Variants in TMEM44 observed in about 807,000 individuals in gnomAD.
TMEM44 encodes transmembrane protein 44.
In TMEM44, 43 loss-of-function variants were observed where a neutral mutation model predicts 47.8. That is an observed-to-expected ratio of 0.90 (90% CI 0.70 to 1.16). The LOEUF is 1.16. TMEM44 is among the 50% of genes most tolerant of loss of function. TMEM44 has a pLI of 0.00. For synonymous variants in TMEM44, 277 were observed against 238.8 expected, an observed-to-expected ratio of 1.16 and a Z score of -1.48; for missense variants, 568 against 555.2, an observed-to-expected ratio of 1.02 and a Z score of -0.23.
rs1408370293 is a variant in TMEM44, at chr3:194,628,376, A to G, written c.264+7T>C. ...CTAAGCCACTGTCAGCTGGAGGCCC[A>G]ACATACCTGGATTGTGAGCTGTCTG... On this transcript the variant is annotated splice_region_variant and intron_variant, in intron 2 of 9. Coordinates refer to ENST00000347147, the MANE Select transcript of TMEM44 (RefSeq NM_001011655.3). The G allele has an allele frequency of 1.2e-6, 2 of 1,609,274 alleles. No individual in the cohort carries two copies. The highest frequency in any genetic ancestry group is 1.1e-5 in the South Asian group (1 of 90,142).
rs1304939192 is a variant in TMEM44 at position 194,617,266 on chromosome 3, G to C, written c.616C>G (p.Arg206Gly). The C allele has an allele frequency of 1.8e-5, 28 of 1,529,474 alleles. No homozygotes were observed. The highest frequency in any genetic ancestry group is 2.5e-5 in the Non-Finnish European group (28 of 1,135,144). 94.7% of individuals were successfully genotyped at this position (1,529,474 alleles called of 1,614,324 possible). The change falls in exon 6 of 10, where the codon CGG becomes GGG. Residue 206 changes from arginine to glycine, a missense_variant. Coordinates refer to ENST00000347147, the MANE Select transcript of TMEM44 (RefSeq NM_001011655.3). ...SRIPPLSRIC[R>G]GKTFPSIHLW... Reference sequence around the variant, plus strand: ...TGGATGGAGGGAAATGTCTTCCCCCGGCACTGGGCAGAGAGAGGGAGGGGC... The same window carrying C: ...TGGATGGAGGGAAATGTCTTCCCCCCGCACTGGGCAGAGAGAGGGAGGGGC...
chr3:194,611,254 TTTTTA>T lies in TMEM44; in HGVS notation c.913-239_913-235del, dbSNP rs1469345995. On this transcript the variant is annotated intron_variant, in intron 7 of 9. Transcript: ENST00000347147. This position sits in a 1 kb window ranked among gnomAD's most constrained non-coding sequence, Gnocchi z 4.2. ...ACACAGTAGAATCAGCTAGGAATCTTTTTTATTTTATTTTATTTTTTGTAGAGACC... is the reference window on the plus strand; with the variant it reads ...ACACAGTAGAATCAGCTAGGAATCTTTTTTATTTTATTTTTTGTAGAGACC... Among the ~76,000 whole-genome samples the T allele has an allele frequency of 7.9e-5, 12 of 152,302 alleles. No individual in the cohort carries two copies. The highest frequency in any genetic ancestry group is 1.7e-4 in the African/African-American group (7 of 41,554).
chr3:194,628,295 A>G, intron 2 of TMEM44, 88 bp downstream of exon 2: 1 of 1,501,410 alleles, frequency 6.7e-7, no homozygotes, highest in Non-Finnish European at 8.9e-7. Context: ...CAGCAACAAG[A>G]CAAAAGCCAC....
chr3:194,630,054 C>T (rs534579262), intron 1 of TMEM44, among the ~76,000 whole-genome samples: 5 of 105,930 alleles, frequency 4.7e-5, no homozygotes, highest in African/African-American at 1.9e-4. Context: ...CTGATAGGGT[C>T]CCTGAAATAA....
chr3:194,605,140 CTATG>C (rs1444859374), intron 8 of TMEM44, among the ~76,000 whole-genome samples: 44 of 138,978 alleles, frequency 3.2e-4, no homozygotes, highest in African/African-American at 1.2e-3. Flanking sequence ...ATGTATCTAT[CTATG>C]TATGTATCTA....
rs1179361143 is a variant in TMEM44 at position 194,633,352 on chromosome 3, G to C, written c.-137C>G. ...CGCGGCGCCTCCGGCCGAGCGCACCGACCGCGGGCAGAGAAGGGCGCGCTC... is the reference window on the plus strand; with the variant it reads ...CGCGGCGCCTCCGGCCGAGCGCACCCACCGCGGGCAGAGAAGGGCGCGCTC... On this transcript the variant is annotated 5_prime_UTR_variant, in exon 1 of 10. Coordinates refer to ENST00000347147, the MANE Select transcript of TMEM44 (RefSeq NM_001011655.3). 1.1e-4 allele frequency: 36 copies of C among 319,594 alleles called. No individual in the cohort carries two copies. Among genetic ancestry groups the C allele is most frequent in the Non-Finnish European group, 6.4e-5 (14 of 219,682 alleles). The allele number at this position is 319,594 out of a possible 1,614,324, so 19.8% of individuals were successfully genotyped here.
intron 9 of TMEM44, among the ~76,000 whole-genome samples, chr3:194,599,363 T>C (rs1271060928): frequency 5.9e-5 from 9 of 152,066 alleles, no homozygotes; most frequent in Admixed American, 5.9e-4. Flanking sequence ...CGAAGTGTGG[T>C]GACACTTCAC....
intron 7 of TMEM44, among the ~76,000 whole-genome samples, chr3:194,613,556 G>C (rs1432807171): frequency 6.7e-6 from 1 of 149,800 alleles, no homozygotes; most frequent in African/African-American, 2.5e-5. Flanking sequence ...GCAATGGTGC[G>C]ATTTTGGCTT....
At chr3:194,616,817 A>G in intron 6 of TMEM44, 1 of 477,564 alleles carries the variant, frequency 2.1e-6, no homozygotes. Flanking sequence ...ATTGCTTGAA[A>G]TTGGGAGGTG....
intron 1 of TMEM44, 173 bp downstream of exon 1, chr3:194,632,905 AT>A (rs1370708985): frequency 8.7e-6 from 9 of 1,039,134 alleles, no homozygotes; most frequent in Non-Finnish European, 1.2e-5. Context: ...TGTGCGTGGG[AT>A]CCGGAAAGAA....
At chr3:194,592,086 C>T (rs553565022) in intron 9 of TMEM44, among the ~76,000 whole-genome samples, 7 of 152,026 alleles carry the variant, frequency 4.6e-5, no homozygotes, top group South Asian at 2.1e-4. Context: ...GGCGCGGTGG[C>T]GGGCGCCTGT....
intron 8 of TMEM44, among the ~76,000 whole-genome samples, chr3:194,609,046 G>A (rs1715050210): frequency 6.6e-6 from 1 of 152,204 alleles, no homozygotes; most frequent in African/African-American, 2.4e-5. Flanking sequence ...GGGCATGGGG[G>A]TGTGGCCAGG....
intron 1 of TMEM44, among the ~76,000 whole-genome samples, chr3:194,632,228 G>A (rs1717899051): frequency 6.6e-6 from 1 of 152,204 alleles, no homozygotes; most frequent in Admixed American, 6.5e-5. Context: ...AAATGTTCTA[G>A]GCGTCTTTTT....
intron 1 of TMEM44, among the ~76,000 whole-genome samples, chr3:194,630,924 G>A (rs754445535): frequency 7.3e-6 from 1 of 136,410 alleles, no homozygotes; most frequent in Non-Finnish European, 1.6e-5. Context: ...TCTGAAATAC[G>A]TTGTCGCACA....
At chr3:194,626,058 T>C (rs1577224781) in intron 2 of TMEM44, 68 bp from the exon 3 acceptor site, 1 of 1,272,584 alleles carries the variant, frequency 7.9e-7, no homozygotes, top group East Asian at 2.3e-5. Flanking sequence ...GAGTTTGTCA[T>C]CCGGGACCCT....
At chr3:194,592,902 C>A in intron 9 of TMEM44, 2 of 1,040,838 alleles carry the variant, frequency 1.9e-6, no homozygotes, top group Non-Finnish European at 2.9e-6. Flanking sequence ...TGTGAGCCAC[C>A]GCGCCTGGCC....
In TMEM44 at chr3:194,621,718, ATT is replaced by A. The variant is rs34426435; in HGVS notation, c.612+1504_612+1505del. ...CAACCAAGATGCTCCTGGGCAAGTAATTTTTTTTTTTTTTTTTAGATGGAGTA... is the reference window on the plus strand; with the variant it reads ...CAACCAAGATGCTCCTGGGCAAGTAATTTTTTTTTTTTTTTAGATGGAGTA... On this transcript the variant is annotated intron_variant, in intron 5 of 9. Coordinates refer to ENST00000347147, the MANE Select transcript of TMEM44 (RefSeq NM_001011655.3). 1.7e-3 allele frequency among the ~76,000 whole-genome samples: 248 copies of A among 147,262 alleles called. 1 individual carries two copies. The highest frequency in any genetic ancestry group is 5.2e-3 in the African/African-American group (208 of 40,260).
Position 194,633,258 on chromosome 3 carries a change from A to G in TMEM44, c.-43T>C. The G allele has an allele frequency of 9.2e-7, 1 of 1,090,526 alleles. No homozygotes were observed. Among genetic ancestry groups the G allele is most frequent in the Non-Finnish European group, 1.1e-6 (1 of 880,144 alleles). The allele number at this position is 1,090,526 out of a possible 1,614,324, so 67.6% of individuals were successfully genotyped here. On this transcript the variant is annotated 5_prime_UTR_variant, in exon 1 of 10. Coordinates refer to ENST00000347147, the MANE Select transcript of TMEM44 (RefSeq NM_001011655.3). ...GGCGCGGGGCCGGGGACCTGGGCGCAGCCTCCCTCGCCGCGGGCAAGCCCC... is the reference window on the plus strand; with the variant it reads ...GGCGCGGGGCCGGGGACCTGGGCGCGGCCTCCCTCGCCGCGGGCAAGCCCC...
At chr3:194,631,249 C>T (rs1037075089) in intron 1 of TMEM44, among the ~76,000 whole-genome samples, 16 of 152,138 alleles carry the variant, frequency 1.1e-4, no homozygotes, top group Non-Finnish European at 2.2e-4. Flanking sequence ...TTTCTATCGG[C>T]GTCACTGATA....
Sources: allele counts gnomAD v4.1 joint callset (sites outside exome capture counted in the v4.1 genomes callset), GRCh38; gene constraint gnomAD v4.1.1; non-coding constraint Gnocchi (gnomAD v3.1); transcripts MANE v1.5; gene names NCBI Gene and HGNC (gene_info 2026-07-23, HGNC 2026-07-21).